SRBD1: variants seen among roughly 807,000 people sequenced by gnomAD.
The protein encoded by SRBD1 is S1 RNA-binding domain-containing protein 1.
SRBD1 carries 88 observed loss-of-function variants against 115.3 expected under a neutral mutation model. The observed-to-expected ratio is 0.76, with a 90% CI of 0.64 to 0.91. The LOEUF is 0.91. Among genes scored for constraint, SRBD1 ranks in the 40% least tolerant of loss-of-function variants. The pLI is 0.00. For synonymous variants in SRBD1, 509 were observed against 407.7 expected (o/e 1.25, Z -2.99); for missense variants, 1,385 against 1,177.4 (o/e 1.18, Z -2.58).
At chr2:45,489,310 C>G (rs1670221685) in intron 14 of SRBD1, among the ~76,000 whole-genome samples, 1 of 152,204 alleles carries the variant, frequency 6.6e-6, no homozygotes, top group Non-Finnish European at 1.5e-5. Context: ...CTCTGCTCCT[C>G]AGTATTTACT....
chr2:45,507,026 GA>G (rs1170301452), intron 14 of SRBD1, among the ~76,000 whole-genome samples: 1 of 152,038 alleles, frequency 6.6e-6, no homozygotes, highest in African/African-American at 2.4e-5. Context: ...CATTAATATG[GA>G]TAAAAACCAA....
Position 45,562,739 on chromosome 2 carries a change from A to G in SRBD1, c.1323T>C (p.Arg441=), listed in dbSNP as rs1479555907. 2 of 1,608,198 alleles carry G rather than the reference A, an allele frequency of 1.2e-6. No individual in the cohort carries two copies. Among genetic ancestry groups the G allele is most frequent in the Admixed American group, 3.4e-5 (2 of 58,196 alleles). ...CCGTCAGTACCTTCAAATTTTCTCC[A>G]CGGTTAATTGCCAGAATCTGAGTGC... ...IHHHQILAIN[R]GENLKVLTVK... The change falls in exon 10 of 21, where the codon CGT becomes CGC. Residue 441 remains arginine, a synonymous_variant. Transcript: ENST00000263736.
chr2:45,423,789 C>T (rs1045066608), intron 16 of SRBD1, among the ~76,000 whole-genome samples: 3 of 152,064 alleles, frequency 2.0e-5, no homozygotes, highest in African/African-American at 7.2e-5. Context: ...GTTCAAAAAT[C>T]CTCAACAAAA....
intron 10 of SRBD1, among the ~76,000 whole-genome samples, chr2:45,555,567 T>C (rs1472546926): frequency 1.4e-5 from 2 of 142,762 alleles, no homozygotes; most frequent in Admixed American, 7.4e-5. Flanking sequence ...CCCGGCCCAC[T>C]GCAACCTCCA....
chr2:45,475,717 G>A (rs1185242796), intron 16 of SRBD1, among the ~76,000 whole-genome samples: 2 of 151,970 alleles, frequency 1.3e-5, no homozygotes. Flanking sequence ...TTTCTTTCTC[G>A]AGATGGAGTC....
chr2:45,516,016 C>T (rs1053854811), intron 14 of SRBD1, among the ~76,000 whole-genome samples: 1 of 152,142 alleles, frequency 6.6e-6, no homozygotes, highest in African/African-American at 2.4e-5. Flanking sequence ...TGTTTTTCTT[C>T]CACTCTCAAA....
rs535481729 is a variant in SRBD1, at chr2:45,542,150, CT to C, written c.1874+4581del. ...TAGCCATCACCCCACCCCAGCCTCA[CT>C]CCTGTGTTGGTTGGTGCCCAAAATC... is the stretch of plus-strand genomic sequence containing the variant. On this transcript the variant is annotated intron_variant, in intron 14 of 20. Coordinates refer to ENST00000263736, the MANE Select transcript of SRBD1 (RefSeq NM_018079.5). Among the ~76,000 whole-genome samples the C allele has an allele frequency of 4.6e-5, 7 of 152,370 alleles. No homozygotes were observed. The South Asian group carries it at 1.4e-3, about 32-fold the overall frequency.
chr2:45,549,326 A>AG (rs1445647496), intron 12 of SRBD1, among the ~76,000 whole-genome samples: 1 of 152,064 alleles, frequency 6.6e-6, no homozygotes, highest in Non-Finnish European at 1.5e-5. Context: ...TTTGGAAAAA[A>AG]CAGAAGAGCA....
chr2:45,415,687 GGGAGAGGAGAGGAGAGGAGAGGAGA>G lies in SRBD1; in HGVS notation c.2334-2419_2334-2395del, dbSNP rs1444810462. ...GGGAGGGGAGGGGAGGGGAGGGGAC[GGGAGAGGAGAGGAGAGGAGAGGAGA>G]GGAGAGGAGAGGAGAGGAGAGGAGA... On this transcript the variant is annotated intron_variant, in intron 18 of 20. Coordinates refer to ENST00000263736, the MANE Select transcript of SRBD1 (RefSeq NM_018079.5). Among the ~76,000 whole-genome samples, 3 of 3,724 alleles carry G rather than the reference GGGAGAGGAGAGGAGAGGAGAGGAGA, an allele frequency of 8.1e-4. 1 individual carries two copies. Among genetic ancestry groups the G allele is most frequent in the African/African-American group, 2.4e-3 (3 of 1,258 alleles). 2.4% of individuals were successfully genotyped at this position (3,724 alleles called of 152,430 possible).
intron 14 of SRBD1, among the ~76,000 whole-genome samples, chr2:45,533,102 C>A: frequency 6.6e-6 from 1 of 151,882 alleles, no homozygotes; most frequent in Non-Finnish European, 1.5e-5. Flanking sequence ...GCTGTTTAAT[C>A]CCAAAGAAAA....
chr2:45,397,005 C>G (rs1382678587), intron 19 of SRBD1, among the ~76,000 whole-genome samples: 1 of 152,136 alleles, frequency 6.6e-6, no homozygotes, highest in Non-Finnish European at 1.5e-5. Flanking sequence ...TACCCACTCT[C>G]AACACTTTCA....
rs1232031331 is a variant in SRBD1, at chr2:45,567,404, GT to G, written c.1306-4649del. Among the ~76,000 whole-genome samples the G allele has an allele frequency of 2.0e-5, 3 of 152,214 alleles. No individual in the cohort carries two copies. In the East Asian group the frequency reaches 5.8e-4, roughly 29 times the overall value. Reference sequence around the variant, plus strand: ...GCAGGAGGACTGGTTGAGCTCAGGAGTTCAAGATGAGCCTGGGCAACATGGC... The same window carrying G: ...GCAGGAGGACTGGTTGAGCTCAGGAGTCAAGATGAGCCTGGGCAACATGGC... On this transcript the variant is annotated intron_variant, in intron 9 of 20. Coordinates refer to ENST00000263736, the MANE Select transcript of SRBD1 (RefSeq NM_018079.5).
chr2:45,605,929 A>T (rs1016365092), intron 1 of SRBD1, among the ~76,000 whole-genome samples: 1 of 151,612 alleles, frequency 6.6e-6, no homozygotes, highest in East Asian at 1.9e-4. Flanking sequence ...AGAAAAAAAA[A>T]GAGTAGCTAA....
chr2:45,548,197 A>G (rs1442997872), intron 12 of SRBD1, among the ~76,000 whole-genome samples: 1 of 151,322 alleles, frequency 6.6e-6, no homozygotes, highest in African/African-American at 2.5e-5. Flanking sequence ...AAAGAACAGC[A>G]AAATAACCCA....
intron 19 of SRBD1, among the ~76,000 whole-genome samples, chr2:45,399,890 T>A (rs1360883167): frequency 1.3e-5 from 2 of 152,108 alleles, no homozygotes; most frequent in Non-Finnish European, 2.9e-5. Flanking sequence ...TTAGTGCCTG[T>A]GAATGTTTGA....
intron 20 of SRBD1, among the ~76,000 whole-genome samples, chr2:45,391,004 C>G (rs745935396): frequency 6.6e-6 from 1 of 152,146 alleles, no homozygotes; most frequent in South Asian, 2.1e-4. Flanking sequence ...AGTCACTGAT[C>G]AGGGGCAGAG....
Position 45,545,055 on chromosome 2 carries a change from C to A in SRBD1, c.1874+1677G>T, listed in dbSNP as rs540340928. Reference sequence around the variant, plus strand: ...CAGCACTTTGGGAGGCTGAGGCAGGCGGATCACGAGGTTAAGAGATCAAGA... The same window carrying A: ...CAGCACTTTGGGAGGCTGAGGCAGGAGGATCACGAGGTTAAGAGATCAAGA... On this transcript the variant is annotated intron_variant, in intron 14 of 20. Transcript: ENST00000263736. Among the ~76,000 whole-genome samples the A allele has an allele frequency of 2.0e-5, 3 of 151,656 alleles. No individual in the cohort carries two copies. The East Asian group carries it at 5.8e-4, about 29-fold the overall frequency.
chr2:45,455,795 T>C (rs1669134165), intron 16 of SRBD1, among the ~76,000 whole-genome samples: 1 of 151,896 alleles, frequency 6.6e-6, no homozygotes, highest in Admixed American at 6.6e-5. Context: ...TGATTTTGTG[T>C]TCTAGTAGTA....
At chr2:45,484,724 C>T (rs1376962777) in intron 15 of SRBD1, among the ~76,000 whole-genome samples, 1 of 152,170 alleles carries the variant, frequency 6.6e-6, no homozygotes, top group Admixed American at 6.5e-5. Flanking sequence ...AAAACCTGTA[C>T]CCATTAAGCA....
Sources: allele counts gnomAD v4.1 joint callset (sites outside exome capture counted in the v4.1 genomes callset), GRCh38; gene constraint gnomAD v4.1.1; transcripts MANE v1.5; gene names NCBI Gene and HGNC (gene_info 2026-07-23, HGNC 2026-07-21).